Variants in COL10A1 observed in about 807,000 individuals in gnomAD.
COL10A1 encodes the protein collagen type X alpha 1 chain.
In COL10A1, 10 loss-of-function variants were observed where a neutral mutation model predicts 18.2. The ratio of observed to expected loss-of-function variants is 0.55; its 90% CI spans 0.34 to 0.93. COL10A1 has a LOEUF of 0.93. Among genes scored for constraint, COL10A1 ranks in the 40% least tolerant of loss-of-function variants. The probability of loss-of-function intolerance (pLI) is 0.02; values close to 1 mark genes in which losing one functional copy is unlikely to be tolerated. For missense variants in COL10A1, 897 were observed against 853.5 expected (o/e 1.05, Z -0.64); for synonymous variants, 330 against 316.6 (o/e 1.04, Z -0.45).
the COL10A1 span, among the ~76,000 whole-genome samples, chr6:116,172,918 A>G: frequency 6.6e-6 from 1 of 152,168 alleles, no homozygotes; most frequent in Admixed American, 6.5e-5. Flanking sequence ...ACTTTTCTAC[A>G]GTTTCACATT....
At chr6:116,170,177 TGTGAA>T in the COL10A1 span, among the ~76,000 whole-genome samples, 1 of 152,130 alleles carries the variant, frequency 6.6e-6, no homozygotes, top group African/African-American at 2.4e-5. Flanking sequence ...TCGGTTTTGC[TGTGAA>T]GTGGAGAGAC....
the COL10A1 span, among the ~76,000 whole-genome samples, chr6:116,201,146 G>T: frequency 6.6e-6 from 1 of 151,978 alleles, no homozygotes; most frequent in Non-Finnish European, 1.5e-5. Context: ...GAGATAAGGG[G>T]ATCCTTCAGA....
chr6:116,168,318 T>TAGAA, the COL10A1 span, among the ~76,000 whole-genome samples: 1 of 152,078 alleles, frequency 6.6e-6, no homozygotes, highest in Non-Finnish European at 1.5e-5. Flanking sequence ...CTGTTTTCTT[T>TAGAA]TAATCTCATT....
intron 1 of COL10A1, among the ~76,000 whole-genome samples, chr6:116,133,737 TC>T (rs1460461628): frequency 6.6e-6 from 1 of 152,204 alleles, no homozygotes; most frequent in African/African-American, 2.4e-5. Flanking sequence ...AAGTGAGTCT[TC>T]CTGCCATCCC....
the COL10A1 span, among the ~76,000 whole-genome samples, chr6:116,184,573 G>C: frequency 6.6e-6 from 1 of 151,886 alleles, no homozygotes; most frequent in Admixed American, 6.6e-5. Context: ...GCTTGTTATT[G>C]GTCTGTTCAG....
At chr6:116,161,091 A>G (rs904512795), upstream of COL10A1, among the ~76,000 whole-genome samples, 3 of 151,532 alleles carry the variant, frequency 2.0e-5, no homozygotes, top group African/African-American at 7.3e-5. Flanking sequence ...TATCGTAAGA[A>G]CAAAAAACCA....
chr6:116,135,762 T>G (rs1053474574), intron 1 of COL10A1, among the ~76,000 whole-genome samples: 1 of 149,740 alleles, frequency 6.7e-6, no homozygotes, highest in Admixed American at 6.7e-5. Flanking sequence ...TAAAAAATTT[T>G]TTTTCTGGCT....
At chr6:116,144,433 A>G (rs943899161) in intron 1 of COL10A1, among the ~76,000 whole-genome samples, 1 of 148,468 alleles carries the variant, frequency 6.7e-6, no homozygotes, top group Admixed American at 6.7e-5. Context: ...CCCAGGAGGC[A>G]GAGGTTGCAG....
At chr6:116,138,456 A>C (rs574784484) in intron 1 of COL10A1, among the ~76,000 whole-genome samples, 2 of 152,202 alleles carry the variant, frequency 1.3e-5, no homozygotes, top group East Asian at 3.8e-4. Flanking sequence ...ATTGGTGAAC[A>C]CTGTTTTTAA....
At chr6:116,149,852 A>G (rs1386344416) in intron 1 of COL10A1, among the ~76,000 whole-genome samples, 2 of 152,222 alleles carry the variant, frequency 1.3e-5, no homozygotes, top group Non-Finnish European at 2.9e-5. Flanking sequence ...AAATTGAGAT[A>G]AGGAATTTGA....
intron 1 of COL10A1, among the ~76,000 whole-genome samples, chr6:116,145,200 A>ATGTT (rs1779867053): frequency 6.6e-6 from 1 of 152,190 alleles, no homozygotes; most frequent in East Asian, 1.9e-4. Flanking sequence ...TGTCCTCAAC[A>ATGTT]GAGGACAACT....
At chr6:116,207,541 A>G in the COL10A1 span, among the ~76,000 whole-genome samples, 1 of 151,948 alleles carries the variant, frequency 6.6e-6, no homozygotes, top group Non-Finnish European at 1.5e-5. Flanking sequence ...ATGTTTGAAA[A>G]GTATATATGA....
intron 1 of COL10A1, among the ~76,000 whole-genome samples, chr6:116,150,126 G>A (rs1350648105): frequency 1.3e-5 from 2 of 152,126 alleles, no homozygotes; most frequent in African/African-American, 4.8e-5. Context: ...TTTGACAAGG[G>A]CAATGAGAGG....
At chr6:116,141,400 G>A (rs1779760062) in intron 1 of COL10A1, among the ~76,000 whole-genome samples, 1 of 151,790 alleles carries the variant, frequency 6.6e-6, no homozygotes, top group Non-Finnish European at 1.5e-5. Flanking sequence ...TGTGTTATCT[G>A]CAGTTAACTT....
upstream of COL10A1, among the ~76,000 whole-genome samples, chr6:116,163,197 A>G (rs115656149): frequency 7.8e-3 from 1,141 of 146,128 alleles, 17 homozygotes; most frequent in African/African-American, 0.027. Flanking sequence ...CTTTGTATAT[A>G]TGGTGCAATT....
At chr6:116,173,611 A>G in the COL10A1 span, among the ~76,000 whole-genome samples, 1 of 152,190 alleles carries the variant, frequency 6.6e-6, no homozygotes, top group Non-Finnish European at 1.5e-5. Flanking sequence ...GGTAAAAATC[A>G]GACCCAGCTC....
chr6:116,156,892 T>A (rs957023353), intron 1 of COL10A1, among the ~76,000 whole-genome samples: 5 of 152,180 alleles, frequency 3.3e-5, no homozygotes, highest in African/African-American at 1.2e-4. Context: ...CCTTTTGTTC[T>A]CCTCAGGAGC....
intron 1 of COL10A1, among the ~76,000 whole-genome samples, chr6:116,147,775 T>C (rs961543009): frequency 6.6e-6 from 1 of 152,224 alleles, no homozygotes; most frequent in East Asian, 1.9e-4. Context: ...GTGCAAATGA[T>C]GTATATACAG....
chr6:116,149,638 G>A (rs1268740433), intron 1 of COL10A1, among the ~76,000 whole-genome samples: 3 of 152,188 alleles, frequency 2.0e-5, no homozygotes, highest in African/African-American at 7.2e-5. Flanking sequence ...TTCCAAAAAA[G>A]CCCAAATGCC....
Sources: gnomAD v4.1 joint callset for allele counts (sites outside exome capture counted in the v4.1 genomes callset) on GRCh38, gnomAD v4.1.1 for gene constraint, MANE v1.5 for transcripts, NCBI Gene and HGNC (gene_info 2026-07-23, HGNC 2026-07-21) for gene names.